The following FAM110A variants were observed in gnomAD, a reference collection of about 807,000 sequenced individuals.
The protein encoded by FAM110A is protein FAM110A.
In FAM110A, 1 loss-of-function variant was observed where a neutral mutation model predicts 4.0. The ratio of observed to expected loss-of-function variants is 0.25; its 90% CI spans 0.09 to 1.20. FAM110A has a LOEUF of 1.20. FAM110A is among the 50% of genes most tolerant of loss of function. The pLI, the probability that FAM110A is intolerant of heterozygous loss-of-function variation, is 0.50. For synonymous variants in FAM110A, 217 were observed against 196.8 expected, an observed-to-expected ratio of 1.10 and a Z score of -0.86; for missense variants, 436 against 429.2, an observed-to-expected ratio of 1.02 and a Z score of -0.14.
chr20:845,761 G>T lies in FAM110A; in HGVS notation c.*69G>T. The stretch of plus-strand genomic sequence containing the variant: ...GGCAAGTGGTCCCTGGACCTCTCTT[G>T]CATCCATTCTCTAGACGGCCGTGTC... On this transcript the variant is annotated 3_prime_UTR_variant, in exon 2 of 2. Transcript: ENST00000381941. 6.3e-7 allele frequency: 1 copy of T among 1,591,446 alleles called. No individual in the cohort carries two copies. Among genetic ancestry groups the T allele is most frequent in the South Asian group, 1.1e-5 (1 of 87,894 alleles).
intron 1 of FAM110A, among the ~76,000 whole-genome samples, chr20:841,116 C>T (rs1979866963): frequency 6.6e-6 from 1 of 152,180 alleles, no homozygotes; most frequent in African/African-American, 2.4e-5. Context: ...CGGGTCGGAC[C>T]CAGTTCCTGA....
chr20:839,867 G>C lies in FAM110A; in HGVS notation c.-97-4841G>C, dbSNP rs910923036. 9 of 1,605,430 alleles carry C rather than the reference G, an allele frequency of 5.6e-6. No individual in the cohort carries two copies. The African/African-American group carries it at 1.1e-4, about 19-fold the overall frequency. On this transcript the variant is annotated intron_variant, in intron 1 of 1. Coordinates refer to ENST00000381941, the MANE Select transcript of FAM110A (RefSeq NM_001042353.3). ...TGACGTGAAGGTTGGGCACATTCTT[G>C]TCTGCCAGCTCCGGGTGCTTAGGCA...
intron 1 of FAM110A, among the ~76,000 whole-genome samples, chr20:843,639 G>A (rs1980069841): frequency 6.6e-6 from 1 of 152,148 alleles, no homozygotes; most frequent in Non-Finnish European, 1.5e-5. Context: ...GAGAATGTTT[G>A]GGACTTGGTA....
Position 844,773 on chromosome 20 carries a change from G to T in FAM110A, c.-32G>T, listed in dbSNP as rs916946134. ...CTGGCTCCTCATCTCTCCGGTCTCC[G>T]CAGACTAAAGCCCTCGGGATATGCA... On this transcript the variant is annotated 5_prime_UTR_variant, in exon 2 of 2. Transcript: ENST00000381941. 2.7e-5 allele frequency: 38 copies of T among 1,409,252 alleles called. No homozygotes were observed. The highest frequency in any genetic ancestry group is 3.5e-5 in the Non-Finnish European group (38 of 1,086,754). The allele number at this position is 1,409,252 out of a possible 1,614,324, so 87.3% of individuals were successfully genotyped here. A position where few individuals can be genotyped will look rare whatever the true frequency, so the allele number is the denominator to read the frequency against.
In FAM110A at chr20:840,123, C is replaced by T. The variant is rs200385911; in HGVS notation, c.-97-4585C>T. On this transcript the variant is annotated intron_variant, in intron 1 of 1. Transcript: ENST00000381941. The surrounding 1 kb of genome is among the most constrained non-coding windows in gnomAD (Gnocchi z 4.4). ...CCTCCCCATCCCCCATTTCTGCCTCCGTGGAGGGCTAGGCAGGGCTCAGCA... is the reference window on the plus strand; with the variant it reads ...CCTCCCCATCCCCCATTTCTGCCTCTGTGGAGGGCTAGGCAGGGCTCAGCA... The T allele has an allele frequency of 3.0e-4, 194 of 640,618 alleles. No individual in the cohort carries two copies. Among genetic ancestry groups the T allele is most frequent in the African/African-American group, 1.7e-3 (91 of 54,892 alleles). 39.7% of individuals were successfully genotyped at this position (640,618 alleles called of 1,614,324 possible).
At position 844,742 on chromosome 20, in the gene FAM110A, G is replaced by C; in HGVS notation, c.-63G>C. ...GTGTCCAGCTGCCTACTTTCTGCCC[G>C]GATCTCTGGCTCCTCATCTCTCCGG... On this transcript the variant is annotated 5_prime_UTR_variant, in exon 2 of 2. Transcript: ENST00000381941. The C allele has an allele frequency of 2.2e-6, 3 of 1,345,780 alleles. No homozygotes were observed. Among genetic ancestry groups the C allele is most frequent in the Non-Finnish European group, 2.8e-6 (3 of 1,053,932 alleles). The allele number at this position is 1,345,780 out of a possible 1,614,324, so 83.4% of individuals were successfully genotyped here.
intron 1 of FAM110A, among the ~76,000 whole-genome samples, chr20:843,893 G>A (rs1980087097): frequency 6.6e-6 from 1 of 152,204 alleles, no homozygotes; most frequent in African/African-American, 2.4e-5. Context: ...TGTGATTTTG[G>A]ACATTTCCAG....
intron 1 of FAM110A, chr20:836,253 G>GGGGGT (rs1491181001): frequency 3.5e-5 from 5 of 143,350 alleles, no homozygotes; most frequent in African/African-American, 1.0e-4. Flanking sequence ...TTTTGGGGGG[G>GGGGGT]GGGGTGGGGT....
At chr20:835,223 C>T (rs1356704876) in intron 1 of FAM110A, among the ~76,000 whole-genome samples, 158 of 149,174 alleles carry the variant, frequency 1.1e-3, no homozygotes, top group African/African-American at 3.8e-3. Context: ...TACACACACA[C>T]ATATATACAC....
In FAM110A at chr20:844,830, G is replaced by A. The variant is rs1183784257; in HGVS notation, c.26G>A (p.Gly9Glu). Residue 9 changes from glycine to glutamate, a missense_variant, in exon 2 of 2, where the codon GGA becomes GAA. Gly to Glu is a moderately conservative substitution (Grantham distance 98, BLOSUM62 -2). Transcript: ENST00000381941. Reference protein sequence around the residue: MPVHTLSPGAPSAPALPCR... With the variant: MPVHTLSPEAPSAPALPCR... Reference sequence around the variant, plus strand: ...ATGCCTGTGCACACGCTGAGCCCCGGAGCCCCGTCCGCCCCCGCCCTACCT... The same window carrying A: ...ATGCCTGTGCACACGCTGAGCCCCGAAGCCCCGTCCGCCCCCGCCCTACCT... The A allele has an allele frequency of 6.6e-7, 1 of 1,512,576 alleles. No individual in the cohort carries two copies. The highest frequency in any genetic ancestry group is 1.4e-5 in the African/African-American group (1 of 72,014). The allele number at this position is 1,512,576 out of a possible 1,614,324, so 93.7% of individuals were successfully genotyped here.
Position 844,927 on chromosome 20 carries a change from C to T in FAM110A, c.123C>T (p.Ser41=). The T allele has an allele frequency of 6.3e-7, 1 of 1,578,258 alleles. No homozygotes were observed. The highest frequency in any genetic ancestry group is 8.6e-7 in the Non-Finnish European group (1 of 1,163,106). Residue 41 remains serine (S), a synonymous_variant, in exon 2 of 2, where the codon AGC becomes AGT. Coordinates refer to ENST00000381941, the MANE Select transcript of FAM110A (RefSeq NM_001042353.3). ...CAGATGGTGGAGCCCGGAAACCGAG[C>T]GCTGTGGAGCGCCTGGAGGCCGACA... ...GPADGGARKP[S]AVERLEADKA...
In FAM110A at chr20:845,296, C is replaced by G; in HGVS notation, c.492C>G (p.Ala164=). 1 of 1,522,148 alleles carries G rather than the reference C, an allele frequency of 6.6e-7. No individual in the cohort carries two copies. Among genetic ancestry groups the G allele is most frequent in the Non-Finnish European group, 8.8e-7 (1 of 1,136,042 alleles). 94.3% of individuals were successfully genotyped at this position (1,522,148 alleles called of 1,614,324 possible). A position where few individuals can be genotyped will look rare whatever the true frequency, so the allele number is the denominator to read the frequency against. Residue 164 remains alanine, a synonymous_variant, in exon 2 of 2, where the codon GCC becomes GCG. Coordinates refer to ENST00000381941, the MANE Select transcript of FAM110A (RefSeq NM_001042353.3). ...TCCGCCCCCTGCCCGCCTCGCCTGC[C>G]CGGCCCTGCCCATCACCCGGCCCTG... ...VDVRPLPASP[A]RPCPSPGPAA... is the part of the protein sequence containing the mutation.
In FAM110A at chr20:845,065, G is replaced by A. The variant is rs1395573917; in HGVS notation, c.261G>A (p.Thr87=). Residue 87 remains threonine (T), a synonymous_variant, in exon 2 of 2, where the codon ACG becomes ACA. Coordinates refer to ENST00000381941, the MANE Select transcript of FAM110A (RefSeq NM_001042353.3). ...CTGAGACTCGCCGCACAGTGCTCAC[G>A]CCCAGCCGCCGAGCCCTGCCTGGCC... ...FSPETRRTVL[T]PSRRALPGPC... 18 of 1,594,112 alleles carry A rather than the reference G, an allele frequency of 1.1e-5. No homozygotes were observed. Among genetic ancestry groups the A allele is most frequent in the Non-Finnish European group, 1.4e-5 (16 of 1,171,644 alleles).
chr20:839,545 G>C, intron 1 of FAM110A: 2 of 1,032,274 alleles, frequency 1.9e-6, no homozygotes, highest in South Asian at 2.5e-5. Flanking sequence ...TCAGCACCAG[G>C]GGGCACAGAA....
rs1322018687 is a variant in FAM110A, at chr20:846,130, C to G, written c.*438C>G. The G allele has an allele frequency of 1.9e-5, 4 of 206,078 alleles. No individual in the cohort carries two copies. The highest frequency in any genetic ancestry group is 5.4e-5 in the Admixed American group (1 of 18,684). The allele number at this position is 206,078 out of a possible 1,614,324, so 12.8% of individuals were successfully genotyped here. A position where few individuals can be genotyped will look rare whatever the true frequency, so the allele number is the denominator to read the frequency against. ...TACCCAGCAGAACTCACCCTGGGGT[C>G]GGGGCAGTGGGGAGGGGCCTATCCA... On this transcript the variant is annotated 3_prime_UTR_variant, in exon 2 of 2. Transcript: ENST00000381941.
rs753615935 is a variant in FAM110A at position 845,204 on chromosome 20, G to T, written c.400G>T (p.Gly134Cys). ...SRTPGRAEGA[G>C]RPPPATPPRP... ...CACTCCTGGACGGGCCGAGGGAGCC[G>T]GCCGTCCTCCCCCAGCCACCCCTCC... The change falls in exon 2 of 2, where the codon GGC (glycine) becomes TGC (cysteine). Residue 134 changes from glycine (G) to cysteine (C), a missense_variant. Physicochemically the swap from Gly to Cys is radical, Grantham distance 159. Transcript: ENST00000381941. 1.3e-5 allele frequency: 20 copies of T among 1,554,400 alleles called. No individual in the cohort carries two copies. In the East Asian group the frequency reaches 4.7e-4, roughly 36 times the overall value.
intron 1 of FAM110A, among the ~76,000 whole-genome samples, chr20:838,119 A>G (rs1979679096): frequency 6.6e-6 from 1 of 152,086 alleles, no homozygotes; most frequent in African/African-American, 2.4e-5. Context: ...CAGCCCATCT[A>G]TTTGAGGCTG....
Position 834,265 on chromosome 20 carries a change from C to T in FAM110A, c.-98+314C>T, listed in dbSNP as rs1254277966. Among the ~76,000 whole-genome samples, 1 of 152,214 alleles carries T rather than the reference C, an allele frequency of 6.6e-6. No homozygotes were observed. Among genetic ancestry groups the T allele is most frequent in the Non-Finnish European group, 1.5e-5 (1 of 68,042 alleles). ...GTAGACCCCTGGCTGGATCACATAT[C>T]CCCGCGCCCCACACTGTCCTCGGGA... On this transcript the variant is annotated intron_variant, in intron 1 of 1. Coordinates refer to ENST00000381941, the MANE Select transcript of FAM110A (RefSeq NM_001042353.3). The surrounding 1 kb of genome is among the most constrained non-coding windows in gnomAD (Gnocchi z 5.6).
intron 1 of FAM110A, 43 bp from the exon 2 acceptor site, chr20:844,665 G>T: frequency 7.7e-7 from 1 of 1,300,922 alleles, no homozygotes; most frequent in Non-Finnish European, 9.8e-7. Context: ...CTTTGTCTGA[G>T]CGCGCTCGGC....
Sources: gnomAD v4.1 joint callset for allele counts (sites outside exome capture counted in the v4.1 genomes callset) on GRCh38, gnomAD v4.1.1 for gene constraint, Gnocchi (gnomAD v3.1) non-coding constraint, MANE v1.5 for transcripts, NCBI Gene and HGNC (gene_info 2026-07-23, HGNC 2026-07-21) for gene names.